The following SMIM28 variants were observed in gnomAD, a reference collection of about 807,000 sequenced individuals.
The protein encoded by SMIM28 is small integral membrane protein 28.
Position 138,377,951 on chromosome 6 carries a change from C to T in SMIM28, c.-122C>T, listed in dbSNP as rs976532356. The T allele has an allele frequency of 3.3e-5, 13 of 396,348 alleles. No individual in the cohort carries two copies. Among genetic ancestry groups the T allele is most frequent in the Admixed American group, 1.8e-4 (4 of 22,660 alleles). The allele number at this position is 396,348 out of a possible 1,614,324, so 24.6% of individuals were successfully genotyped here. A position where few individuals can be genotyped will look rare whatever the true frequency, so the allele number is the denominator to read the frequency against. On this transcript the variant is annotated 5_prime_UTR_variant, in exon 1 of 2. In the 5' UTR this introduces an upstream ATG that the reference lacks. Coordinates refer to ENST00000573100, the MANE Select transcript of SMIM28 (RefSeq NM_001368163.3). ...TCCCCTGTTGCCATTCATCAGAGGA[C>T]GAGTTTACCAACAGCCATCAGCCAA...
At chr6:138,380,007 T>A (rs964466172) in intron 1 of SMIM28, among the ~76,000 whole-genome samples, 5 of 152,228 alleles carry the variant, frequency 3.3e-5, no homozygotes, top group Admixed American at 2.0e-4. Context: ...GCCGCACCAA[T>A]AAATTTCTAG....
rs1345223712 is a variant in SMIM28 at position 138,383,397 on chromosome 6, A to C, written c.*550A>C. On this transcript the variant is annotated 3_prime_UTR_variant, in exon 2 of 2. Transcript: ENST00000573100. ...AACTGCAGGGGATAGTTGTGTTGTA[A>C]ATAATGGTGAAATATATTACAATAT... Among the ~76,000 whole-genome samples the C allele has an allele frequency of 1.3e-5, 2 of 152,244 alleles. No individual in the cohort carries two copies. The highest frequency in any genetic ancestry group is 2.9e-5 in the Non-Finnish European group (2 of 68,042).
rs1343733272 is a variant in SMIM28 at position 138,383,473 on chromosome 6, T to C, written c.*626T>C. Among the ~76,000 whole-genome samples, 1 of 152,204 alleles carries C rather than the reference T, an allele frequency of 6.6e-6. No individual in the cohort carries two copies. The highest frequency in any genetic ancestry group is 1.9e-4 in the East Asian group (1 of 5,206). On this transcript the variant is annotated 3_prime_UTR_variant, in exon 2 of 2. Coordinates refer to ENST00000573100, the MANE Select transcript of SMIM28 (RefSeq NM_001368163.3). ...AAACATTTTAGTTAAAAAATAATAA[T>C]AAAGCTGTCCAAAGTTATCTTCTTT...
In SMIM28 at chr6:138,378,017, G is replaced by A. The variant is rs144770439; in HGVS notation, c.-56G>A. 2.5e-6 allele frequency: 1 copy of A among 398,522 alleles called. No individual in the cohort carries two copies. The highest frequency in any genetic ancestry group is 2.1e-5 in the African/African-American group (1 of 48,764). The allele number at this position is 398,522 out of a possible 1,614,324, so 24.7% of individuals were successfully genotyped here. On this transcript the variant is annotated 5_prime_UTR_variant, in exon 1 of 2. Transcript: ENST00000573100. Reference sequence around the variant, plus strand: ...ATCCAGGCCAAGAGCAAGCAGCATTGTTGAAATCTGGGCAGCAAGGTGGAA... The same window carrying A: ...ATCCAGGCCAAGAGCAAGCAGCATTATTGAAATCTGGGCAGCAAGGTGGAA...
intron 1 of SMIM28, 100 bp from the exon 2 acceptor site, chr6:138,382,396 CAAAA>C (rs59155652): frequency 0.011 from 1,616 of 146,822 alleles, 2 homozygotes; most frequent in Middle Eastern, 0.022. Flanking sequence ...GACTGTGTCT[CAAAA>C]AAAAAAAAAA....
rs564903013 is a variant in SMIM28, at chr6:138,383,446, G to T, written c.*599G>T. On this transcript the variant is annotated 3_prime_UTR_variant, in exon 2 of 2. Transcript: ENST00000573100. ...ATTAGCAATGAAAGTATAGATATTC[G>T]CAAACATTTTAGTTAAAAAATAATA... Among the ~76,000 whole-genome samples the T allele has an allele frequency of 6.6e-6, 1 of 152,130 alleles. No homozygotes were observed. The highest frequency in any genetic ancestry group is 1.5e-5 in the Non-Finnish European group (1 of 68,010).
At position 138,378,689 on chromosome 6, in the gene SMIM28, G is replaced by C. The variant is rs112460160; in HGVS notation, c.111+506G>C. Among the ~76,000 whole-genome samples, 942 of 152,192 alleles carry C rather than the reference G, an allele frequency of 6.2e-3. 10 individuals are homozygous for C. The highest frequency in any genetic ancestry group is 0.02 in the African/African-American group (820 of 41,520). ...TGCAGCAGCTGCTTTTGCTTTGTCT[G>C]GCAAATCACCAGTGCAGTCTCCGTA... is the stretch of plus-strand genomic sequence containing the variant. On this transcript the variant is annotated intron_variant, in intron 1 of 1. Transcript: ENST00000573100.
At chr6:138,378,868 T>TTCTCCAAACTGGTGAG (rs1436608392) in intron 1 of SMIM28, among the ~76,000 whole-genome samples, 1 of 152,194 alleles carries the variant, frequency 6.6e-6, no homozygotes, top group Non-Finnish European at 1.5e-5. Context: ...GTGAGATTAG[T>TTCTCCAAACTGGTGAG]ATTTAAGTTC....
At chr6:138,379,030 T>G (rs903528682) in intron 1 of SMIM28, among the ~76,000 whole-genome samples, 1 of 152,116 alleles carries the variant, frequency 6.6e-6, no homozygotes, top group Admixed American at 6.5e-5. Flanking sequence ...CAGAAAAACA[T>G]TAAAAGTTAA....
chr6:138,382,998 A>G lies in SMIM28; in HGVS notation c.*151A>G, dbSNP rs757630211. On this transcript the variant is annotated 3_prime_UTR_variant, in exon 2 of 2. Transcript: ENST00000573100. ...GCTATTCATTGGCCAACCTCTGACA[A>G]TGGGGCACTTCAGGCTGAGGGCAAA... 2.5e-6 allele frequency: 1 copy of G among 394,138 alleles called. No individual in the cohort carries two copies. The highest frequency in any genetic ancestry group is 4.5e-6 in the Non-Finnish European group (1 of 223,792). The allele number at this position is 394,138 out of a possible 1,614,324, so 24.4% of individuals were successfully genotyped here.
In SMIM28 at chr6:138,378,077, G is replaced by A. The variant is rs545548528; in HGVS notation, c.5G>A (p.Arg2Gln). Residue 2 changes from arginine (R) to glutamine (Q), a missense_variant, in exon 1 of 2, where the codon CGG becomes CAG. Physicochemically the swap from Arg to Gln is conservative, Grantham distance 43. Coordinates refer to ENST00000573100, the MANE Select transcript of SMIM28 (RefSeq NM_001368163.3). Reference sequence around the variant, plus strand: ...GGGCATCAGCTGGATGAAAACATGCGGGGACTGCTGGGCAGCAGCTGGAAG... The same window carrying A: ...GGGCATCAGCTGGATGAAAACATGCAGGGACTGCTGGGCAGCAGCTGGAAG... M[R>Q]GLLGSSWKKF... is the part of the protein sequence containing the mutation. 5.3e-5 allele frequency: 21 copies of A among 398,798 alleles called. No homozygotes were observed. The South Asian group carries it at 8.9e-4, about 17-fold the overall frequency. The allele number at this position is 398,798 out of a possible 1,614,324, so 24.7% of individuals were successfully genotyped here.
At chr6:138,381,652 T>G (rs1774313876) in intron 1 of SMIM28, among the ~76,000 whole-genome samples, 1 of 152,226 alleles carries the variant, frequency 6.6e-6, no homozygotes, top group Non-Finnish European at 1.5e-5. Context: ...AAAATCTCAT[T>G]CATCATACGC....
At chr6:138,382,201 A>G (rs1774319835) in intron 1 of SMIM28, among the ~76,000 whole-genome samples, 1 of 152,116 alleles carries the variant, frequency 6.6e-6, no homozygotes, top group Non-Finnish European at 1.5e-5. Context: ...GTTTGAGACC[A>G]GTCTGGCCAA....
chr6:138,377,919 G>C lies in SMIM28; in HGVS notation c.-154G>C, dbSNP rs932394678. ...CAGTCCTGAGAGGTCTCTCTGGTTG[G>C]TTTCTTTCCCCTGTTGCCATTCATC... On this transcript the variant is annotated 5_prime_UTR_variant, in exon 1 of 2. Transcript: ENST00000573100. The C allele has an allele frequency of 1.5e-5, 6 of 394,868 alleles. No homozygotes were observed. The highest frequency in any genetic ancestry group is 1.0e-4 in the African/African-American group (5 of 48,560). 24.5% of individuals were successfully genotyped at this position (394,868 alleles called of 1,614,324 possible).
At chr6:138,381,871 G>A (rs1161756685) in intron 1 of SMIM28, among the ~76,000 whole-genome samples, 2 of 152,132 alleles carry the variant, frequency 1.3e-5, no homozygotes, top group Non-Finnish European at 2.9e-5. Flanking sequence ...ATGAACAGCG[G>A]ACCTACTAAC....
intron 1 of SMIM28, among the ~76,000 whole-genome samples, chr6:138,379,094 C>T (rs1421561522): frequency 6.6e-6 from 1 of 152,004 alleles, no homozygotes; most frequent in Non-Finnish European, 1.5e-5. Flanking sequence ...AAAAAGACAT[C>T]CTTTCCACAT....
intron 1 of SMIM28, 104 bp from the exon 2 acceptor site, chr6:138,382,396 C>CAA (rs59155652): frequency 2.6e-3 from 384 of 146,992 alleles, no homozygotes; most frequent in Middle Eastern, 4.7e-3. Context: ...GACTGTGTCT[C>CAA]AAAAAAAAAA....
At chr6:138,382,305 G>A (rs1710527006) in intron 1 of SMIM28, among the ~76,000 whole-genome samples, 195 bp from the exon 2 acceptor site, 1 of 149,854 alleles carries the variant, frequency 6.7e-6, no homozygotes, top group South Asian at 2.1e-4. Flanking sequence ...GCTGAGGCAG[G>A]AGAATTGCTT....
intron 1 of SMIM28, among the ~76,000 whole-genome samples, chr6:138,381,203 G>C (rs1381928129): frequency 6.6e-6 from 1 of 152,032 alleles, no homozygotes; most frequent in African/African-American, 2.4e-5. Context: ...ACTGAGCCTG[G>C]CCTAGGTTTT....
Sources: allele counts gnomAD v4.1 joint callset (sites outside exome capture counted in the v4.1 genomes callset), GRCh38; gene constraint gnomAD v4.1.1; transcripts MANE v1.5; gene names NCBI Gene and HGNC (gene_info 2026-07-23, HGNC 2026-07-21).